The following PLEKHA4 variants were observed in gnomAD, a reference collection of about 807,000 sequenced individuals.
PLEKHA4 encodes pleckstrin homology domain-containing family A member 4.
Under a neutral mutation model 94.7 loss-of-function variants are expected in PLEKHA4, and 73 were observed. The observed-to-expected ratio is 0.77, with a 90% confidence interval of 0.64 to 0.94. PLEKHA4 has a LOEUF of 0.94. Among genes scored for constraint, PLEKHA4 ranks in the 40% least tolerant of loss-of-function variants. PLEKHA4 has a pLI of 0.00. For missense variants in PLEKHA4, 1,049 were observed against 1,054.1 expected, an observed-to-expected ratio of 1.00 and a Z score of 0.07; for synonymous variants, 449 against 437.1, an observed-to-expected ratio of 1.03 and a Z score of -0.34.
chr19:48,863,374 C>T (rs754701717), intron 3 of PLEKHA4, among the ~76,000 whole-genome samples: 3 of 151,696 alleles, frequency 2.0e-5, no homozygotes, highest in South Asian at 2.1e-4. Flanking sequence ...CTGGCTCAGC[C>T]TCCTGAGTAG....
chr19:48,859,232 CT>C, intron 7 of PLEKHA4, 93 bp from the exon 8 acceptor site: 1 of 1,060,322 alleles, frequency 9.4e-7, no homozygotes, highest in Non-Finnish European at 1.4e-6. Context: ...ACATGTCTCA[CT>C]TCACTGTGTC....
Position 48,853,851 on chromosome 19 carries a change from G to A in PLEKHA4, c.1177-20C>T. On this transcript the variant is annotated intron_variant, in intron 11 of 19. Coordinates refer to ENST00000263265, the MANE Select transcript of PLEKHA4 (RefSeq NM_020904.3). ...TTGCTCCTGCACCAAGACAGAAGGT[G>A]GTTAGACTTCAGAAGCCATGCCTAG... The A allele has an allele frequency of 6.3e-7, 1 of 1,595,154 alleles. No homozygotes were observed. Among genetic ancestry groups the A allele is most frequent in the African/African-American group, 1.3e-5 (1 of 74,192 alleles).
At chr19:48,847,685 T>C (rs1020173997) in intron 14 of PLEKHA4, among the ~76,000 whole-genome samples, 14 of 151,966 alleles carry the variant, frequency 9.2e-5, no homozygotes, top group African/African-American at 3.4e-4. Flanking sequence ...TGAGCCAAGA[T>C]TGCACCACTG....
intron 5 of PLEKHA4, 51 bp downstream of exon 5, chr19:48,861,350 C>T (rs1412354065): frequency 6.8e-7 from 1 of 1,477,902 alleles, no homozygotes; most frequent in Non-Finnish European, 9.5e-7. Context: ...TCTACCCGCC[C>T]TCATCTCCAG....
Position 48,861,394 on chromosome 19 carries a change from G to A in PLEKHA4, c.366+7C>T, listed in dbSNP as rs764532548. ...GCCTGGTGCACAACATGGATGGATGGACTCACGGTGAAGGTGAAGCGCCGC... is the reference window on the plus strand; with the variant it reads ...GCCTGGTGCACAACATGGATGGATGAACTCACGGTGAAGGTGAAGCGCCGC... On this transcript the variant is annotated splice_region_variant and intron_variant, in intron 5 of 19. Coordinates refer to ENST00000263265, the MANE Select transcript of PLEKHA4 (RefSeq NM_020904.3). The A allele has an allele frequency of 6.2e-7, 1 of 1,609,968 alleles. No homozygotes were observed. Among genetic ancestry groups the A allele is most frequent in the African/African-American group, 1.3e-5 (1 of 74,848 alleles).
At chr19:48,860,895 A>C (rs1421373716) in intron 5 of PLEKHA4, among the ~76,000 whole-genome samples, 4 of 119,440 alleles carry the variant, frequency 3.3e-5, no homozygotes, top group African/African-American at 1.0e-4. Context: ...AAAGGAAAGG[A>C]AAATGGAAAG....
At chr19:48,859,214 C>G in intron 7 of PLEKHA4, 75 bp from the exon 8 acceptor site, 1 of 1,186,888 alleles carries the variant, frequency 8.4e-7, no homozygotes, top group Non-Finnish European at 1.2e-6. Context: ...ATCAAGTCAG[C>G]CTCAAGGACA....
chr19:48,866,993 AC>A (rs1468622032), intron 2 of PLEKHA4, among the ~76,000 whole-genome samples: 2 of 152,160 alleles, frequency 1.3e-5, no homozygotes, highest in Non-Finnish European at 2.9e-5. Flanking sequence ...AAGCGGTGGT[AC>A]TGACCAAGGC....
At chr19:48,852,161 C>G (rs374817660) in intron 13 of PLEKHA4, 67 bp downstream of exon 13, 22 of 1,273,036 alleles carry the variant, frequency 1.7e-5, no homozygotes, top group East Asian at 1.4e-4. Context: ...AGATTAAATG[C>G]TAAAAGGATT....
chr19:48,852,163 A>G (rs1279888394), intron 13 of PLEKHA4, 65 bp downstream of exon 13: 1 of 1,291,140 alleles, frequency 7.7e-7, no homozygotes, highest in Non-Finnish European at 1.1e-6. Context: ...ATTAAATGCT[A>G]AAAGGATTTC....
intron 7 of PLEKHA4, 33 bp downstream of exon 7, chr19:48,859,436 G>A (rs759932173): frequency 1.2e-6 from 2 of 1,608,928 alleles, no homozygotes; most frequent in Admixed American, 3.4e-5. Flanking sequence ...CCTTCTCTTA[G>A]GCCACGCCCA....
chr19:48,865,533 G>C lies in PLEKHA4; in HGVS notation c.162C>G (p.Pro54=). 6.2e-7 allele frequency: 1 copy of C among 1,613,982 alleles called. No individual in the cohort carries two copies. Among genetic ancestry groups the C allele is most frequent in the Non-Finnish European group, 8.5e-7 (1 of 1,179,960 alleles). Residue 54 remains proline (P), a synonymous_variant, in exon 3 of 20, where the codon CCC becomes CCG. Coordinates refer to ENST00000263265, the MANE Select transcript of PLEKHA4 (RefSeq NM_020904.3). Reference sequence around the variant, plus strand: ...TATGAAGCCAGCCTCGGATGTGCACGGGAAGGTTGGGATCCCTCCTGAGCG... The same window carrying C: ...TATGAAGCCAGCCTCGGATGTGCACCGGAAGGTTGGGATCCCTCCTGAGCG... ...GNALRRDPNL[P]VHIRGWLHKQ... is the part of the protein sequence containing the mutation.
rs754675534 is a variant in PLEKHA4, at chr19:48,861,418, G to A, written c.349C>T (p.Arg117Trp). 4.3e-5 allele frequency: 70 copies of A among 1,613,614 alleles called. No individual in the cohort carries two copies. The Middle Eastern group carries it at 1.6e-3, about 36-fold the overall frequency. ...RPDGPGAPRGRRFTFTAEHPG... is the reference protein window; with the variant it reads ...RPDGPGAPRGWRFTFTAEHPG... ...GGACTCACGGTGAAGGTGAAGCGCC[G>A]CCCTCGGGGGGCTCCCGGCCCATCT... is the stretch of plus-strand genomic sequence containing the variant. Residue 117 changes from arginine to tryptophan, a missense_variant, in exon 5 of 20, where the codon CGG (arginine) becomes TGG (tryptophan). By Grantham distance (101) the Arg-to-Trp change is moderately radical. Coordinates refer to ENST00000263265, the MANE Select transcript of PLEKHA4 (RefSeq NM_020904.3).
chr19:48,855,053 G>A (rs1242476840), intron 9 of PLEKHA4, among the ~76,000 whole-genome samples: 1 of 151,976 alleles, frequency 6.6e-6, no homozygotes, highest in Non-Finnish European at 1.5e-5. Flanking sequence ...AATTTCAGTA[G>A]ACCAACTTCC....
intron 9 of PLEKHA4, among the ~76,000 whole-genome samples, chr19:48,856,120 G>A (rs28831796): frequency 6.8e-4 from 100 of 147,696 alleles, no homozygotes; most frequent in African/African-American, 2.4e-3. Context: ...GCGGTGAGCC[G>A]AGATCACGCC....
intron 17 of PLEKHA4, 28 bp downstream of exon 17, chr19:48,841,121 C>A (rs371653453): frequency 6.3e-6 from 10 of 1,594,184 alleles, no homozygotes; most frequent in Non-Finnish European, 8.5e-6. Context: ...ACCACCCCAC[C>A]GCCCAGCCCC....
At chr19:48,862,792 C>T (rs573575496) in intron 3 of PLEKHA4, among the ~76,000 whole-genome samples, 2 of 152,328 alleles carry the variant, frequency 1.3e-5, no homozygotes, top group African/African-American at 4.8e-5. Flanking sequence ...GGATTACAGG[C>T]GTGAGCCACC....
At chr19:48,858,793 A>G in intron 8 of PLEKHA4, 67 bp downstream of exon 8, 1 of 1,570,412 alleles carries the variant, frequency 6.4e-7, no homozygotes, top group African/African-American at 1.4e-5. Context: ...TGGCCTTGAG[A>G]ATACGGAAAG....
chr19:48,857,730 A>G (rs1424175168), intron 8 of PLEKHA4, among the ~76,000 whole-genome samples: 1 of 150,954 alleles, frequency 6.6e-6, no homozygotes, highest in Admixed American at 6.6e-5. Context: ...GCTCGTTAAG[A>G]GTCATCACCA....
Sources: allele counts gnomAD v4.1 joint callset (sites outside exome capture counted in the v4.1 genomes callset), GRCh38; gene constraint gnomAD v4.1.1; transcripts MANE v1.5; gene names NCBI Gene and HGNC (gene_info 2026-07-23, HGNC 2026-07-21).